The following UPP2 variants were observed in gnomAD, a reference collection of about 807,000 sequenced individuals.
UPP2 encodes the protein UPase 2.
UPP2 carries 23 observed loss-of-function variants against 26.7 expected under a neutral mutation model. The observed-to-expected ratio is 0.86, with a 90% CI of 0.62 to 1.22. The LOEUF is 1.22. Ranked by LOEUF, UPP2 falls within the 50% of genes most tolerant of loss-of-function variation. The pLI is 0.00. For synonymous variants in UPP2, 127 were observed against 141.3 expected (o/e 0.90, Z 0.72); for missense variants, 387 against 396.7 (o/e 0.98, Z 0.21).
intron 3 of UPP2, among the ~76,000 whole-genome samples, chr2:158,039,211 T>C (rs530229765): frequency 1.3e-5 from 2 of 152,142 alleles, no homozygotes; most frequent in Non-Finnish European, 2.9e-5. Flanking sequence ...TAATTAGTAA[T>C]GGGCTCTAAC....
At chr2:158,002,349 T>C (rs1683422537) in intron 2 of UPP2, among the ~76,000 whole-genome samples, 2 of 152,216 alleles carry the variant, frequency 1.3e-5, no homozygotes, top group Admixed American at 1.3e-4. Flanking sequence ...CAGTTTTTGC[T>C]GTGGAAGATG....
At chr2:158,050,027 G>T in intron 3 of UPP2, among the ~76,000 whole-genome samples, 1 of 152,010 alleles carries the variant, frequency 6.6e-6, no homozygotes, top group South Asian at 2.1e-4. Flanking sequence ...TATTTCTAAT[G>T]GTTAATCTTG....
At chr2:158,074,611 A>G (rs1682599461) in intron 3 of UPP2, among the ~76,000 whole-genome samples, 1 of 151,898 alleles carries the variant, frequency 6.6e-6, no homozygotes, top group Non-Finnish European at 1.5e-5. Flanking sequence ...AAAGCAAGTA[A>G]TTAAATCATA....
intron 3 of UPP2, among the ~76,000 whole-genome samples, chr2:158,048,190 CTG>C (rs1427251117): frequency 5.3e-5 from 8 of 152,150 alleles, no homozygotes; most frequent in African/African-American, 1.9e-4. Flanking sequence ...GGATTGCATT[CTG>C]TGTGGCTGGA....
At chr2:158,080,913 T>C (rs570685834) in intron 3 of UPP2, among the ~76,000 whole-genome samples, 3 of 152,308 alleles carry the variant, frequency 2.0e-5, no homozygotes, top group East Asian at 1.9e-4. Flanking sequence ...CCTCAGTTAT[T>C]TGTTAGAAAA....
chr2:158,112,898 C>T (rs1683349471), intron 2 of UPP2, among the ~76,000 whole-genome samples: 1 of 152,158 alleles, frequency 6.6e-6, no homozygotes, highest in Non-Finnish European at 1.5e-5. Flanking sequence ...CCTCTGACTC[C>T]TTCCCAGTGT....
intron 3 of UPP2, among the ~76,000 whole-genome samples, chr2:158,047,731 C>A (rs1684176535): frequency 6.6e-6 from 1 of 152,198 alleles, no homozygotes; most frequent in Non-Finnish European, 1.5e-5. Flanking sequence ...AGATAGAAGG[C>A]AGCATATCAT....
chr2:158,000,412 A>G (rs923552862), intron 2 of UPP2, among the ~76,000 whole-genome samples: 7 of 152,232 alleles, frequency 4.6e-5, no homozygotes, highest in African/African-American at 1.7e-4. Flanking sequence ...TTGTCTCATA[A>G]TACTGGAAAA....
intron 3 of UPP2, among the ~76,000 whole-genome samples, chr2:158,044,961 C>T (rs900303898): frequency 1.3e-5 from 2 of 152,194 alleles, no homozygotes; most frequent in African/African-American, 4.8e-5. Flanking sequence ...TGAATGAATA[C>T]TTTGCAAATA....
At chr2:158,079,660 TTTTTCAAATGGCTGAAAAAAAGCC>T (rs1682690164) in intron 3 of UPP2, among the ~76,000 whole-genome samples, 1 of 152,126 alleles carries the variant, frequency 6.6e-6, no homozygotes, top group Admixed American at 6.6e-5. Flanking sequence ...TACATACATT[TTTTTCAAATGGCTGAAAAAAAGCC>T]TTTTCCAATA....
At chr2:158,005,908 C>A (rs559003201) in intron 2 of UPP2, among the ~76,000 whole-genome samples, 2 of 152,242 alleles carry the variant, frequency 1.3e-5, no homozygotes, top group African/African-American at 4.8e-5. Context: ...GCCCAACCAT[C>A]AGTCCCCTTG....
At chr2:158,001,842 T>A (rs1012676896) in intron 2 of UPP2, among the ~76,000 whole-genome samples, 1 of 151,804 alleles carries the variant, frequency 6.6e-6, no homozygotes, top group African/African-American at 2.4e-5. Flanking sequence ...TACCTGGACA[T>A]TTGCAACCTG....
intron 3 of UPP2, among the ~76,000 whole-genome samples, chr2:158,085,661 A>G (rs976145551): frequency 2.0e-5 from 3 of 152,018 alleles, no homozygotes; most frequent in Non-Finnish European, 2.9e-5. Flanking sequence ...CTTTTATTAC[A>G]TTGAGGTATA....
chr2:158,102,562 T>C (rs1683099081), intron 1 of UPP2, among the ~76,000 whole-genome samples: 1 of 152,192 alleles, frequency 6.6e-6, no homozygotes, highest in South Asian at 2.1e-4. Flanking sequence ...ATATGCTTCA[T>C]GATGGACCTT....
chr2:158,018,552 G>A (rs1683696276), intron 3 of UPP2, among the ~76,000 whole-genome samples: 1 of 152,200 alleles, frequency 6.6e-6, no homozygotes, highest in African/African-American at 2.4e-5. Context: ...CAGGCTGCAA[G>A]GCTGGAAGGC....
intron 3 of UPP2, among the ~76,000 whole-genome samples, chr2:158,061,428 CT>C (rs1431712450): frequency 2.0e-5 from 3 of 152,184 alleles, no homozygotes; most frequent in Non-Finnish European, 4.4e-5. Flanking sequence ...GCAAAGATTT[CT>C]TTTCTAAAGG....
chr2:158,125,762 TAGAGA>T (rs1292284942), intron 6 of UPP2, among the ~76,000 whole-genome samples: 2 of 152,154 alleles, frequency 1.3e-5, no homozygotes, highest in Non-Finnish European at 1.5e-5. Flanking sequence ...TATCCTCTTT[TAGAGA>T]ACAAGAGCAT....
intron 3 of UPP2, among the ~76,000 whole-genome samples, chr2:158,077,588 C>T (rs1682650547): frequency 6.6e-6 from 1 of 152,048 alleles, no homozygotes; most frequent in Non-Finnish European, 1.5e-5. Flanking sequence ...TATCCATAGG[C>T]AGAAGAATAA....
At chr2:158,089,136 T>A (rs1197004875) in intron 3 of UPP2, among the ~76,000 whole-genome samples, 1 of 151,936 alleles carries the variant, frequency 6.6e-6, no homozygotes, top group African/African-American at 2.4e-5. Context: ...GAGCTCTGAG[T>A]CTCCTTGTGG....
Sources: allele counts gnomAD v4.1 joint callset (sites outside exome capture counted in the v4.1 genomes callset), GRCh38; gene constraint gnomAD v4.1.1; transcripts MANE v1.5; gene names NCBI Gene and HGNC (gene_info 2026-07-23, HGNC 2026-07-21).